The following SAFB variants were observed in gnomAD, a reference collection of about 807,000 sequenced individuals.
SAFB encodes scaffold attachment factor B.
In SAFB, 15 loss-of-function variants were observed where a neutral mutation model predicts 101.6. The ratio of observed to expected loss-of-function variants is 0.15; its 90% CI spans 0.10 to 0.23. SAFB has a LOEUF of 0.23. Ranked by LOEUF, SAFB falls within the 10% of genes least tolerant of loss-of-function variation. The pLI is 1.00. For synonymous variants in SAFB, 449 were observed against 407.5 expected (o/e 1.10, Z -1.23); for missense variants, 930 against 1,104.1 (o/e 0.84, Z 2.23).
intron 13 of SAFB, 37 bp from the exon 14 acceptor site, chr19:5,657,204 C>T (rs752329683): frequency 1.3e-5 from 20 of 1,531,248 alleles, no homozygotes; most frequent in Non-Finnish European, 1.5e-5. Context: ...CGTGCCTGGC[C>T]TCTGCTTTAA....
rs529783035 is a variant in SAFB, at chr19:5,629,092, C to T, written c.274+2603C>T. ...GATTTCAGTTGTGAGCCACTGCGCC[C>T]GGCAGGTTTTAAAATACGTGCATGG... On this transcript the variant is annotated intron_variant, in intron 2 of 20. Transcript: ENST00000588852. 5.3e-5 allele frequency among the ~76,000 whole-genome samples: 8 copies of T among 152,188 alleles called. 2 individuals are homozygous for T. Among genetic ancestry groups the T allele is most frequent in the Middle Eastern group, 6.8e-3 (2 of 294 alleles).
In SAFB at chr19:5,641,607, A is replaced by G; in HGVS notation, c.288A>G (p.Glu96=). The G allele has an allele frequency of 6.2e-7, 1 of 1,613,986 alleles. No homozygotes were observed. The highest frequency in any genetic ancestry group is 1.1e-5 in the South Asian group (1 of 91,066). The part of the protein sequence containing the change: ...SKRSSKGRKP[E]EEGVEDNGLE... ...TTCTGTCTTCAGGGCGCAAACCAGA[A>G]GAAGAGGGTGTGGAAGATAACGGGC... The change falls in exon 3 of 21, where the codon GAA becomes GAG. Residue 96 remains glutamate, a synonymous_variant. Coordinates refer to ENST00000588852, the MANE Select transcript of SAFB (RefSeq NM_001201338.2).
chr19:5,634,509 G>T (rs559453031), intron 2 of SAFB, among the ~76,000 whole-genome samples: 1 of 152,116 alleles, frequency 6.6e-6, no homozygotes, highest in African/African-American at 2.4e-5. Context: ...AGAAAGACCT[G>T]AAGTAAGAAT....
intron 13 of SAFB, 119 bp from the exon 14 acceptor site, chr19:5,657,122 C>G (rs1035892021): frequency 2.2e-5 from 15 of 675,572 alleles, no homozygotes; most frequent in Non-Finnish European, 3.8e-5. Flanking sequence ...CCAGGCTGGT[C>G]TCAAATTCCC....
chr19:5,667,766 G>C lies in SAFB; in HGVS notation c.2558-54G>C. 1 of 1,580,348 alleles carries C rather than the reference G, an allele frequency of 6.3e-7. No individual in the cohort carries two copies. ...GAGTGGAGTGGGCTAAATGTGCCGT[G>C]GGTTCCACGCCGTGTGCGCAAGTTC... On this transcript the variant is annotated intron_variant, in intron 19 of 20. Transcript: ENST00000588852. The surrounding 1 kb of genome is among the most constrained non-coding windows in gnomAD (Gnocchi z 4.0).
At position 5,648,054 on chromosome 19, in the gene SAFB, A is replaced by G. The variant is rs1295240152; in HGVS notation, c.637+11A>G. 2 of 1,607,590 alleles carry G rather than the reference A, an allele frequency of 1.2e-6. No individual in the cohort carries two copies. Among genetic ancestry groups the G allele is most frequent in the Non-Finnish European group, 1.7e-6 (2 of 1,177,050 alleles). On this transcript the variant is annotated intron_variant, in intron 6 of 20. Coordinates refer to ENST00000588852, the MANE Select transcript of SAFB (RefSeq NM_001201338.2). Reference sequence around the variant, plus strand: ...CATCCCTGGAGCCAGGTACTGTTAAATGAAAAACTTACCAGCGGGGGTTTG... The same window carrying G: ...CATCCCTGGAGCCAGGTACTGTTAAGTGAAAAACTTACCAGCGGGGGTTTG...
intron 2 of SAFB, among the ~76,000 whole-genome samples, chr19:5,640,623 T>C (rs548703225): frequency 6.6e-6 from 1 of 152,274 alleles, no homozygotes; most frequent in South Asian, 2.1e-4. Context: ...AGAGTCTTGC[T>C]CTGTCATCCA....
At chr19:5,652,039 A>G (rs1483931573) in intron 9 of SAFB, among the ~76,000 whole-genome samples, 1 of 152,088 alleles carries the variant, frequency 6.6e-6, no homozygotes, top group African/African-American at 2.4e-5. Flanking sequence ...CTAAAAGTAC[A>G]GAAATTAGCC....
chr19:5,652,893 A>G (rs761226528), intron 9 of SAFB, among the ~76,000 whole-genome samples: 1 of 152,150 alleles, frequency 6.6e-6, no homozygotes, highest in Non-Finnish European at 1.5e-5. Context: ...CTGTTCCCCT[A>G]CATTGCCCTC....
chr19:5,639,173 G>A (rs906919349), intron 2 of SAFB, among the ~76,000 whole-genome samples: 1 of 152,128 alleles, frequency 6.6e-6, no homozygotes, highest in African/African-American at 2.4e-5. Context: ...AAATTGGTCG[G>A]GGGCAAGTAC....
At chr19:5,625,032 A>G (rs1448100618) in intron 1 of SAFB, among the ~76,000 whole-genome samples, 1 of 151,836 alleles carries the variant, frequency 6.6e-6, no homozygotes, top group Admixed American at 6.5e-5. Context: ...ACTTCCCATC[A>G]CTCGCTGTCA....
intron 13 of SAFB, among the ~76,000 whole-genome samples, chr19:5,656,365 G>T (rs955163089): frequency 6.6e-6 from 1 of 151,830 alleles, no homozygotes; most frequent in Non-Finnish European, 1.5e-5. Context: ...TCCACCTCCC[G>T]GGGGTTTTTA....
chr19:5,644,160 T>C (rs1164481941), intron 4 of SAFB, among the ~76,000 whole-genome samples: 1 of 152,174 alleles, frequency 6.6e-6, no homozygotes, highest in Non-Finnish European at 1.5e-5. Flanking sequence ...CTATTGATAC[T>C]GTTGTCTATG....
chr19:5,650,160 T>C (rs1417685242), intron 8 of SAFB, among the ~76,000 whole-genome samples, 185 bp downstream of exon 8: 1 of 152,206 alleles, frequency 6.6e-6, no homozygotes, highest in Non-Finnish European at 1.5e-5. Flanking sequence ...TACCAGGTCC[T>C]AAGAGTTAAC....
chr19:5,650,269 C>T (rs1313199973), intron 8 of SAFB, among the ~76,000 whole-genome samples: 1 of 152,162 alleles, frequency 6.6e-6, no homozygotes, highest in African/African-American at 2.4e-5. Flanking sequence ...TACCAAATTC[C>T]TTCTTAATCA....
rs139198910 is a variant in SAFB at position 5,644,390 on chromosome 19, A to G, written c.547-947A>G. Among the ~76,000 whole-genome samples the G allele has an allele frequency of 1.8e-4, 28 of 152,304 alleles. 1 individual carries two copies. Among genetic ancestry groups the G allele is most frequent in the Middle Eastern group, 3.4e-3 (1 of 294 alleles). On this transcript the variant is annotated intron_variant, in intron 4 of 20. Coordinates refer to ENST00000588852, the MANE Select transcript of SAFB (RefSeq NM_001201338.2). ...AAGCACATCTGTGTGAACTCAAACA[A>G]TCTCCAAAAGAGAAGTGACACTTGG...
chr19:5,664,763 G>A (rs1372269902), intron 17 of SAFB: 6 of 313,842 alleles, frequency 1.9e-5, no homozygotes, highest in East Asian at 8.2e-5. Context: ...CTAGTGAGCC[G>A]CACAGCTGAC....
rs149537191 is a variant in SAFB at position 5,643,707 on chromosome 19, C to T, written c.547-1630C>T. Among the ~76,000 whole-genome samples the T allele has an allele frequency of 2.7e-3, 410 of 152,068 alleles. 5 individuals are homozygous for T. Among genetic ancestry groups the T allele is most frequent in the African/African-American group, 9.4e-3 (390 of 41,464 alleles). ...TAGTTTTAAGGGTTGAGGCCAGGTG[C>T]GGTGGCTTGGCTGGGCACAGTGGCT... is the stretch of plus-strand genomic sequence containing the variant. On this transcript the variant is annotated intron_variant, in intron 4 of 20. Coordinates refer to ENST00000588852, the MANE Select transcript of SAFB (RefSeq NM_001201338.2).
intron 14 of SAFB, 158 bp from the exon 15 acceptor site, chr19:5,661,360 C>A: frequency 7.5e-7 from 1 of 1,325,528 alleles, no homozygotes. Flanking sequence ...CTCCTGTGGG[C>A]CCGAGAAGCC....
Sources: gnomAD v4.1 joint callset for allele counts (sites outside exome capture counted in the v4.1 genomes callset) on GRCh38, gnomAD v4.1.1 for gene constraint, Gnocchi (gnomAD v3.1) non-coding constraint, MANE v1.5 for transcripts, NCBI Gene and HGNC (gene_info 2026-07-23, HGNC 2026-07-21) for gene names.